Variants in LDB3 observed in about 807,000 individuals in gnomAD.
The protein encoded by LDB3 is LIM domain binding 3, also known as LIM domain-binding protein 3.
LDB3 carries 49 observed loss-of-function variants against 69.0 expected under a neutral mutation model. The ratio of observed to expected loss-of-function variants is 0.71; its 90% confidence interval spans 0.56 to 0.90. The LOEUF is 0.90. Ranked by LOEUF, LDB3 falls within the 40% of genes least tolerant of loss-of-function variation. LDB3 has a pLI of 0.00. For missense variants in LDB3, 928 were observed against 974.1 expected, an observed-to-expected ratio of 0.95 and a Z score of 0.63; for synonymous variants, 387 against 396.2, an observed-to-expected ratio of 0.98 and a Z score of 0.28.
rs1298695770 is a variant in LDB3 at position 86,686,550 on chromosome 10, T to A, written c.689+4747T>A. Among the ~76,000 whole-genome samples, 5 of 152,054 alleles carry A rather than the reference T, an allele frequency of 3.3e-5. 1 individual carries two copies. Among genetic ancestry groups the A allele is most frequent in the Non-Finnish European group, 5.9e-5 (4 of 68,010 alleles). ...CCCTTCTATGGCCAGGAGTGGTGGCTCATGCCTGTAATCCCAACACTGTGA... is the reference window on the plus strand; with the variant it reads ...CCCTTCTATGGCCAGGAGTGGTGGCACATGCCTGTAATCCCAACACTGTGA... On this transcript the variant is annotated intron_variant, in intron 5 of 13. Transcript: ENST00000361373.
upstream of LDB3, chr10:86,668,356 G>A (rs752629693): frequency 1.6e-4 from 63 of 404,162 alleles, no homozygotes; most frequent in Non-Finnish European, 2.4e-4. Flanking sequence ...GGGGTGCTGG[G>A]TGCCGGACAC....
intron 7 of LDB3, among the ~76,000 whole-genome samples, 191 bp downstream of exon 7, chr10:86,692,762 G>C (rs957837513): frequency 2.6e-5 from 4 of 152,228 alleles, no homozygotes; most frequent in African/African-American, 9.6e-5. Flanking sequence ...ACCTGGACCC[G>C]AGTCTCTGTC....
intron 9 of LDB3, among the ~76,000 whole-genome samples, chr10:86,712,825 C>T (rs1001398492): frequency 6.6e-6 from 1 of 152,180 alleles, no homozygotes; most frequent in African/African-American, 2.4e-5. Flanking sequence ...CTTTGGGAGG[C>T]CGAGGCGGGC....
rs374613600 is a variant in LDB3, at chr10:86,687,139, G to A, written c.690-4757G>A. ...GGCCCTGTCCACCCACAAGCCCATC[G>A]AGGTGAAGGGGCTGGGCGGCAAGGC... is the stretch of plus-strand genomic sequence containing the variant. On this transcript the variant is annotated intron_variant, in intron 5 of 13. Coordinates refer to ENST00000361373, the MANE Select transcript of LDB3 (RefSeq NM_007078.3). 5.0e-5 allele frequency: 80 copies of A among 1,614,176 alleles called. No individual in the cohort carries two copies. The East Asian group carries it at 6.7e-4, about 13-fold the overall frequency.
chr10:86,694,129 T>A (rs1301884309), intron 7 of LDB3, among the ~76,000 whole-genome samples: 1 of 152,210 alleles, frequency 6.6e-6, no homozygotes, highest in Non-Finnish European at 1.5e-5. Context: ...TGGAAGTGCA[T>A]TGCAGCAAAC....
At chr10:86,729,878 C>T (rs138919063) in intron 13 of LDB3, among the ~76,000 whole-genome samples, 5 of 152,296 alleles carry the variant, frequency 3.3e-5, no homozygotes, top group African/African-American at 1.2e-4. Flanking sequence ...GTATGGTCTC[C>T]CACCCACAGC....
In LDB3 at chr10:86,699,537, A is replaced by G; in HGVS notation, c.896+6966A>G. 6.7e-7 allele frequency: 1 copy of G among 1,487,246 alleles called. No homozygotes were observed. Among genetic ancestry groups the G allele is most frequent in the African/African-American group, 1.4e-5 (1 of 72,046 alleles). 92.1% of individuals were successfully genotyped at this position (1,487,246 alleles called of 1,614,324 possible). A position where few individuals can be genotyped will look rare whatever the true frequency, so the allele number is the denominator to read the frequency against. ...AGCATTTCTGTCCTCTGCCCACCCC[A>G]GAGCTGATGCTGGGGCCCAGCCCCC... On this transcript the variant is annotated intron_variant, in intron 7 of 13. Coordinates refer to ENST00000361373, the MANE Select transcript of LDB3 (RefSeq NM_007078.3). This position sits in a 1 kb window ranked among gnomAD's most constrained non-coding sequence, Gnocchi z 4.9.
intron 2 of LDB3, 107 bp downstream of exon 2, chr10:86,668,891 G>A: frequency 1.2e-6 from 1 of 859,576 alleles, no homozygotes; most frequent in Non-Finnish European, 1.9e-6. Flanking sequence ...TCAGAAAGCA[G>A]AGCATGCCCC....
At chr10:86,695,861 A>C (rs891644498) in intron 7 of LDB3, among the ~76,000 whole-genome samples, 1 of 152,186 alleles carries the variant, frequency 6.6e-6, no homozygotes, top group Non-Finnish European at 1.5e-5. Flanking sequence ...GCTGGGGGGA[A>C]CTATCCAGGA....
At chr10:86,685,544 C>A (rs763767257) in intron 5 of LDB3, 18 of 848,258 alleles carry the variant, frequency 2.1e-5, no homozygotes, top group South Asian at 4.0e-5. Context: ...TCACTCCTTG[C>A]TCTCCTCACC....
intron 2 of LDB3, among the ~76,000 whole-genome samples, chr10:86,678,207 C>G (rs1844908698): frequency 6.6e-6 from 1 of 151,876 alleles, no homozygotes; most frequent in Non-Finnish European, 1.5e-5. Flanking sequence ...GCCACCATGT[C>G]CAGCTAATTT....
intron 9 of LDB3, among the ~76,000 whole-genome samples, chr10:86,714,642 G>A (rs1359587345): frequency 4.8e-5 from 7 of 146,100 alleles, no homozygotes; most frequent in Non-Finnish European, 8.9e-5. Context: ...TGCAAGCTCC[G>A]CCTCCTGGGT....
intron 13 of LDB3, among the ~76,000 whole-genome samples, chr10:86,729,746 A>C (rs1433681755): frequency 6.6e-6 from 1 of 152,062 alleles, no homozygotes; most frequent in African/African-American, 2.4e-5. Context: ...CATCTCACCT[A>C]TGAGCCATCT....
At chr10:86,719,931 G>T (rs1847016478) in intron 12 of LDB3, among the ~76,000 whole-genome samples, 1 of 152,188 alleles carries the variant, frequency 6.6e-6, no homozygotes, top group Non-Finnish European at 1.5e-5. Context: ...AGACATGAAG[G>T]CTAAGACAGT....
chr10:86,710,786 GCT>G (rs1478504231), intron 9 of LDB3, among the ~76,000 whole-genome samples: 1 of 152,222 alleles, frequency 6.6e-6, no homozygotes, highest in East Asian at 1.9e-4. Flanking sequence ...CATGAAGCTC[GCT>G]CTGACAGCAG....
intron 5 of LDB3, among the ~76,000 whole-genome samples, chr10:86,682,296 G>A (rs550887508): frequency 6.6e-6 from 1 of 152,270 alleles, no homozygotes; most frequent in South Asian, 2.1e-4. Flanking sequence ...GCCTGGAGGA[G>A]GGAGCCCTTG....
chr10:86,667,551 C>A (rs1399915900), upstream of LDB3, among the ~76,000 whole-genome samples: 1 of 152,250 alleles, frequency 6.6e-6, no homozygotes, highest in East Asian at 1.9e-4. Flanking sequence ...CCTCCCTGCC[C>A]CTCCTGGCCC....
chr10:86,710,410 C>T (rs760061042), intron 9 of LDB3: 9 of 232,202 alleles, frequency 3.9e-5, no homozygotes, highest in Non-Finnish European at 6.3e-5. Flanking sequence ...GCCAACATGG[C>T]GAAACCCCAT....
At chr10:86,728,586 G>GTTTTTTTTTTTGGTT (rs11271876) in intron 13 of LDB3, among the ~76,000 whole-genome samples, 1 of 131,452 alleles carries the variant, frequency 7.6e-6, no homozygotes, top group East Asian at 2.3e-4. Flanking sequence ...TGGTTCTTTT[G>GTTTTTTTTTTTGGTT]TTTTTTTTTT....
Sources: gnomAD v4.1 joint callset for allele counts (sites outside exome capture counted in the v4.1 genomes callset) on GRCh38, gnomAD v4.1.1 for gene constraint, Gnocchi (gnomAD v3.1) non-coding constraint, MANE v1.5 for transcripts, NCBI Gene and HGNC (gene_info 2026-07-23, HGNC 2026-07-21) for gene names.